The following OTUD4 variants were observed in gnomAD, a reference collection of about 807,000 sequenced individuals.
OTUD4 encodes OTU deubiquitinase 4, also known as OTU domain-containing protein 4.
In OTUD4, 24 loss-of-function variants were observed where a neutral mutation model predicts 130.4. The observed-to-expected ratio is 0.18, with a 90% CI of 0.13 to 0.26. OTUD4 has a LOEUF of 0.26. Among genes scored for constraint, OTUD4 ranks in the 10% least tolerant of loss-of-function variants. OTUD4 has a pLI of 1.00. For missense variants in OTUD4, 1,031 were observed against 1,329.4 expected, an observed-to-expected ratio of 0.78 and a Z score of 3.49; for synonymous variants, 420 against 472.5, an observed-to-expected ratio of 0.89 and a Z score of 1.44.
chr4:145,149,484 T>C (rs190587110), intron 13 of OTUD4: 26 of 152,352 alleles, frequency 1.7e-4, no homozygotes, highest in African/African-American at 5.8e-4. Context: ...TAAGAAGCTA[T>C]AATTCTGTCT....
At position 145,179,828 on chromosome 4, in the gene OTUD4, G is replaced by A. The variant is rs1579300921; in HGVS notation, c.146C>T (p.Ala49Val). 7.3e-7 allele frequency: 1 copy of A among 1,377,294 alleles called. No homozygotes were observed. Among genetic ancestry groups the A allele is most frequent in the Non-Finnish European group, 9.5e-7 (1 of 1,049,294 alleles). 85.3% of individuals were successfully genotyped at this position (1,377,294 alleles called of 1,614,324 possible). A position where few individuals can be genotyped will look rare whatever the true frequency, so the allele number is the denominator to read the frequency against. ...CCCCGCAATTACCTGCTCCGCCACG[G>A]CCCGGAACAGGCACGACCCGTCCTT... Reference protein sequence around the residue: ...VAKDGSCLFRAVAEQVLHSQS... With the variant: ...VAKDGSCLFRVVAEQVLHSQS... The change falls in exon 1 of 21, where the codon GCC becomes GTC. Residue 49 changes from alanine to valine, a missense_variant. Ala to Val is a moderately conservative substitution (Grantham distance 64, BLOSUM62 0). Coordinates refer to ENST00000447906, the MANE Select transcript of OTUD4 (RefSeq NM_001366057.1).
intron 3 of OTUD4, 88 bp from the exon 4 acceptor site, chr4:145,165,285 A>G (rs1751791806): frequency 5.1e-6 from 4 of 780,924 alleles, no homozygotes; most frequent in Non-Finnish European, 8.8e-6. Context: ...CATACAGCAT[A>G]CGTAATGAGT....
intron 3 of OTUD4, 145 bp downstream of exon 3, chr4:145,171,525 G>A: frequency 1.9e-6 from 1 of 529,770 alleles, no homozygotes; most frequent in Non-Finnish European, 3.4e-6. Context: ...TGCATAAAAT[G>A]TGTAGGAAAC....
chr4:145,164,206 C>A lies in OTUD4; in HGVS notation c.362G>T (p.Arg121Leu). The A allele has an allele frequency of 7.2e-7, 1 of 1,387,306 alleles. No homozygotes were observed. The highest frequency in any genetic ancestry group is 1.0e-6 in the Non-Finnish European group (1 of 999,060). The allele number at this position is 1,387,306 out of a possible 1,614,324, so 85.9% of individuals were successfully genotyped here. A position where few individuals can be genotyped will look rare whatever the true frequency, so the allele number is the denominator to read the frequency against. Residue 121 changes from arginine (R) to leucine (L), a missense_variant, in exon 5 of 21, where the codon CGG (arginine) becomes CTG (leucine). Arg to Leu is a moderately radical substitution (Grantham distance 102, BLOSUM62 -2). Coordinates refer to ENST00000447906, the MANE Select transcript of OTUD4 (RefSeq NM_001366057.1). ...LMYRKDFIIY[R>L]EPNVSPSQVT... ...TTGTGAAGGAGAAACATTTGGTTCC[C>A]GATAAATTATAAAATCTTTCCTGAA...
intron 1 of OTUD4, among the ~76,000 whole-genome samples, chr4:145,175,725 A>G (rs1752387891): frequency 6.6e-6 from 1 of 150,722 alleles, no homozygotes; most frequent in Non-Finnish European, 1.5e-5. Context: ...TTGTATTTTT[A>G]GTAGAGACAG....
In OTUD4 at chr4:145,135,083, T is replaced by A. The variant is rs77299114; in HGVS notation, c.*2347A>T. 3 of 356,656 alleles carry A rather than the reference T, an allele frequency of 8.4e-6. No homozygotes were observed. The highest frequency in any genetic ancestry group is 4.1e-5 in the East Asian group (1 of 24,688). The allele number at this position is 356,656 out of a possible 1,614,324, so 22.1% of individuals were successfully genotyped here. Reference sequence around the variant, plus strand: ...GGACTAATACATTTAAAAACAAACTTAAAGGAAAAAAAGCGAAACCAACCT... The same window carrying A: ...GGACTAATACATTTAAAAACAAACTAAAAGGAAAAAAAGCGAAACCAACCT... On this transcript the variant is annotated 3_prime_UTR_variant, in exon 21 of 21. Coordinates refer to ENST00000447906, the MANE Select transcript of OTUD4 (RefSeq NM_001366057.1).
At chr4:145,175,500 A>C (rs1407672534) in intron 1 of OTUD4, among the ~76,000 whole-genome samples, 1 of 152,140 alleles carries the variant, frequency 6.6e-6, no homozygotes, top group Non-Finnish European at 1.5e-5. Flanking sequence ...ACTTACTGGC[A>C]TGTGGTCTTT....
intron 1 of OTUD4, among the ~76,000 whole-genome samples, chr4:145,175,519 T>C (rs1752375303): frequency 6.6e-6 from 1 of 152,176 alleles, no homozygotes; most frequent in Admixed American, 6.5e-5. Flanking sequence ...TTTACCAAAA[T>C]TCTAAAGCTG....
At chr4:145,167,694 T>A (rs1177211006) in intron 3 of OTUD4, among the ~76,000 whole-genome samples, 3 of 151,894 alleles carry the variant, frequency 2.0e-5, no homozygotes, top group Admixed American at 6.6e-5. Context: ...CCATCTCTAC[T>A]AAAAAATACA....
rs759948341 is a variant in OTUD4 at position 145,137,884 on chromosome 4, G to A, written c.2891C>T (p.Pro964Leu). ...TCTCTCTCTGTTTAGAATCTGAGTG[G>A]GAGGATGAGCCTTTCCCTCTGCTAC... is the stretch of plus-strand genomic sequence containing the variant. ...PPVAEGKAHP[P>L]TQILNRERET... The change falls in exon 21 of 21, where the codon CCC (proline) becomes CTC (leucine). Residue 964 changes from proline to leucine, a missense_variant. Coordinates refer to ENST00000447906, the MANE Select transcript of OTUD4 (RefSeq NM_001366057.1). 48 of 1,614,024 alleles carry A rather than the reference G, an allele frequency of 3.0e-5. No homozygotes were observed. The highest frequency in any genetic ancestry group is 4.1e-5 in the Non-Finnish European group (48 of 1,179,978).
At chr4:145,155,346 CTGTT>C (rs1751234886) in intron 10 of OTUD4, 61 bp downstream of exon 10, 16 of 1,275,840 alleles carry the variant, frequency 1.3e-5, no homozygotes, top group South Asian at 8.9e-5. Context: ...GCTGTTTTCT[CTGTT>C]TGTATTAGAA....
At chr4:145,157,684 C>CAAAAAAA (rs923938636) in intron 7 of OTUD4, among the ~76,000 whole-genome samples, 2 of 44,090 alleles carry the variant, frequency 4.5e-5, no homozygotes, top group African/African-American at 8.3e-5. Flanking sequence ...AACTCCGTCT[C>CAAAAAAA]AAAAAAAAAA....
chr4:145,159,172 T>G (rs1751434639), intron 7 of OTUD4: 1 of 1,050,316 alleles, frequency 9.5e-7, no homozygotes, highest in Admixed American at 5.7e-5. Context: ...ATTTCATTAC[T>G]GGGTATGTGA....
At position 145,155,774 on chromosome 4, in the gene OTUD4, G is replaced by A. The variant is rs899301114; in HGVS notation, c.691-88C>T. 14 of 1,052,576 alleles carry A rather than the reference G, an allele frequency of 1.3e-5. 1 individual carries two copies. Among genetic ancestry groups the A allele is most frequent in the Admixed American group, 2.5e-5 (1 of 39,648 alleles). 65.2% of individuals were successfully genotyped at this position (1,052,576 alleles called of 1,614,324 possible). The stretch of plus-strand genomic sequence containing the variant: ...ACACGTAAAACTAAAGTCAAATGAA[G>A]AAAAGAAACTTCAAAAAATTAGGAA... On this transcript the variant is annotated intron_variant, in intron 8 of 20. Transcript: ENST00000447906.
chr4:145,153,296 T>G (rs1350143905), intron 10 of OTUD4, among the ~76,000 whole-genome samples: 1 of 152,222 alleles, frequency 6.6e-6, no homozygotes, highest in African/African-American at 2.4e-5. Context: ...AAGGCAGGGC[T>G]GTGGCCCCAC....
chr4:145,172,529 T>C (rs1173054480), intron 2 of OTUD4, among the ~76,000 whole-genome samples: 2 of 152,204 alleles, frequency 1.3e-5, no homozygotes, highest in Admixed American at 6.5e-5. Context: ...GTTTCTTTAA[T>C]AGCAATCGCA....
intron 1 of OTUD4, among the ~76,000 whole-genome samples, chr4:145,176,142 C>T (rs1336854940): frequency 6.6e-6 from 1 of 151,406 alleles, no homozygotes; most frequent in Non-Finnish European, 1.5e-5. Context: ...GTGATCTGCC[C>T]GCCTGGGCCT....
chr4:145,180,181 C>A lies in OTUD4; in HGVS notation c.-208G>T, dbSNP rs998788012. Reference sequence around the variant, plus strand: ...CCTGCCTAATGCATGGCTGTCCGCACGCGGCCGCCTCCTCGGAGCGAACAC... The same window carrying A: ...CCTGCCTAATGCATGGCTGTCCGCAAGCGGCCGCCTCCTCGGAGCGAACAC... On this transcript the variant is annotated 5_prime_UTR_variant, in exon 1 of 21. Transcript: ENST00000447906. 56 of 181,496 alleles carry A rather than the reference C, an allele frequency of 3.1e-4. No homozygotes were observed. Among genetic ancestry groups the A allele is most frequent in the Middle Eastern group, 2.4e-3 (1 of 410 alleles). 11.2% of individuals were successfully genotyped at this position (181,496 alleles called of 1,614,324 possible).
chr4:145,158,469 A>C (rs905521774), intron 7 of OTUD4, among the ~76,000 whole-genome samples: 23 of 152,132 alleles, frequency 1.5e-4, no homozygotes, highest in African/African-American at 5.5e-4. Flanking sequence ...GCAACAGTGC[A>C]AGACTCCGAT....
Sources: allele counts gnomAD v4.1 joint callset (sites outside exome capture counted in the v4.1 genomes callset), GRCh38; gene constraint gnomAD v4.1.1; transcripts MANE v1.5; gene names NCBI Gene and HGNC (gene_info 2026-07-23, HGNC 2026-07-21).